Variants in WDR4 observed in about 807,000 individuals in gnomAD.
The protein encoded by WDR4 is tRNA (guanine-N(7)-)-methyltransferase non-catalytic subunit WDR4.
Under a neutral mutation model 48.6 loss-of-function variants are expected in WDR4, and 47 were observed. That is an observed-to-expected ratio of 0.97 (90% confidence interval 0.77 to 1.23). The LOEUF (loss-of-function observed/expected upper bound fraction) is 1.23. Ranked by LOEUF, WDR4 falls within the 50% of genes most tolerant of loss-of-function variation. The pLI is 0.00. For synonymous variants in WDR4, 268 were observed against 230.0 expected (o/e 1.17, Z -1.49); for missense variants, 606 against 551.6 (o/e 1.10, Z -0.99).
At chr21:42,882,170 C>T (rs1195963890), upstream of WDR4, among the ~76,000 whole-genome samples, 3 of 148,744 alleles carry the variant, frequency 2.0e-5, no homozygotes, top group East Asian at 2.1e-4. Context: ...GTTGGGATTA[C>T]AGGCGTGAGC....
intron 1 of WDR4, chr21:42,879,184 G>C (rs976310750): frequency 5.2e-5 from 69 of 1,337,136 alleles, no homozygotes; most frequent in Non-Finnish European, 6.5e-5. Context: ...GAGCGCGCCG[G>C]AGCCGGGGAG....
intron 3 of WDR4, among the ~76,000 whole-genome samples, chr21:42,866,759 A>G (rs1336661465): frequency 6.6e-6 from 1 of 151,804 alleles, no homozygotes; most frequent in Non-Finnish European, 1.5e-5. Context: ...CCAATTTCTC[A>G]CTGAGAGAAA....
chr21:42,867,601 C>T lies in WDR4; in HGVS notation c.297-4005G>A, dbSNP rs1316237538. ...ATCCCTAACCTAAAAATCCAAAATC[C>T]GAAACATTCCAGTGAGCATTTCCTT... is the stretch of plus-strand genomic sequence containing the variant. On this transcript the variant is annotated intron_variant, in intron 3 of 10. Transcript: ENST00000398208. Among the ~76,000 whole-genome samples, 6 of 152,214 alleles carry T rather than the reference C, an allele frequency of 3.9e-5. 1 individual carries two copies. The South Asian group carries it at 1.0e-3, about 26-fold the overall frequency.
chr21:42,854,353 C>T (rs527366257), intron 8 of WDR4, among the ~76,000 whole-genome samples: 9 of 152,354 alleles, frequency 5.9e-5, no homozygotes, highest in African/African-American at 1.7e-4. Flanking sequence ...GGGAGTTCAA[C>T]GTCAGGTTGA....
At chr21:42,855,874 C>G in intron 6 of WDR4, 94 bp from the exon 7 acceptor site, 1 of 937,388 alleles carries the variant, frequency 1.1e-6, no homozygotes, top group Non-Finnish European at 1.5e-6. Flanking sequence ...CGGGGTTCCA[C>G]TCCGTGACAG....
chr21:42,854,348 T>C (rs147487170), intron 8 of WDR4, among the ~76,000 whole-genome samples: 1 of 151,878 alleles, frequency 6.6e-6, no homozygotes, highest in East Asian at 1.9e-4. Context: ...GCCAGGGGAG[T>C]TCAACGTCAG....
At chr21:42,868,009 G>A (rs920759921) in intron 3 of WDR4, among the ~76,000 whole-genome samples, 1 of 152,164 alleles carries the variant, frequency 6.6e-6, no homozygotes, top group Non-Finnish European at 1.5e-5. Flanking sequence ...CCAGCCTGCA[G>A]CGGTATCTGC....
At position 42,872,683 on chromosome 21, in the gene WDR4, C is replaced by T. The variant is rs957820769; in HGVS notation, c.296+868G>A. Among the ~76,000 whole-genome samples, 11 of 151,808 alleles carry T rather than the reference C, an allele frequency of 7.2e-5. No individual in the cohort carries two copies. In the East Asian group the frequency reaches 2.1e-3, roughly 29 times the overall value. On this transcript the variant is annotated intron_variant, in intron 3 of 10. Coordinates refer to ENST00000398208, the MANE Select transcript of WDR4 (RefSeq NM_018669.6). ...GGTGTAGTGGCTCACACTTGTAATC[C>T]CAGCAGTTTGGGAGGCCGAGGCCAG...
intron 1 of WDR4, chr21:42,878,960 A>G (rs763339608): frequency 5.9e-5 from 59 of 992,536 alleles, no homozygotes; most frequent in Non-Finnish European, 6.9e-5. Flanking sequence ...GAGGTCAGTG[A>G]GCTCGCAGTG....
intron 3 of WDR4, among the ~76,000 whole-genome samples, chr21:42,866,434 A>C (rs2058248509): frequency 6.6e-6 from 1 of 152,170 alleles, no homozygotes; most frequent in African/African-American, 2.4e-5. Flanking sequence ...GCCTCAGTGA[A>C]ATGCAGAGAG....
chr21:42,873,673 G>A lies in WDR4; in HGVS notation c.174C>T (p.Asp58=). ...ACGCCAGAATCGCACCGCTCCCCTGGTCCAAGGGCGCGTCCTCCCTGAGGA... is the reference window on the plus strand; with the variant it reads ...ACGCCAGAATCGCACCGCTCCCCTGATCCAAGGGCGCGTCCTCCCTGAGGA... ...QENKGEDAPL[D]QGSGAILAST... Residue 58 remains aspartate, a synonymous_variant, in exon 3 of 11, where the codon GAC becomes GAT. Coordinates refer to ENST00000398208, the MANE Select transcript of WDR4 (RefSeq NM_018669.6). 6.2e-7 allele frequency: 1 copy of A among 1,614,026 alleles called. No individual in the cohort carries two copies.
intron 9 of WDR4, among the ~76,000 whole-genome samples, chr21:42,853,292 G>A (rs1043344534): frequency 2.0e-5 from 3 of 152,114 alleles, no homozygotes; most frequent in Admixed American, 2.0e-4. Flanking sequence ...CAACTTCATC[G>A]CTAAGTGTGG....
At chr21:42,888,608 G>GT in the WDR4 span, among the ~76,000 whole-genome samples, 18,547 of 146,218 alleles carry the variant, frequency 0.13, 1,317 homozygotes, top group South Asian at 0.2. Flanking sequence ...TTTCCTATTG[G>GT]TTTTTTTTTT....
At chr21:42,883,593 G>A (rs1460119557), upstream of WDR4, 1 of 153,688 alleles carries the variant, frequency 6.5e-6, no homozygotes, top group African/African-American at 2.4e-5. Flanking sequence ...CGAATGTTAT[G>A]TGTACTGAGA....
chr21:42,865,336 T>G (rs1054126193), intron 3 of WDR4, among the ~76,000 whole-genome samples: 1 of 152,186 alleles, frequency 6.6e-6, no homozygotes, highest in Non-Finnish European at 1.5e-5. Flanking sequence ...CAATGTCCGA[T>G]GGGCTCATTA....
the WDR4 span, among the ~76,000 whole-genome samples, chr21:42,888,445 G>C: frequency 6.6e-6 from 1 of 152,078 alleles, no homozygotes; most frequent in Non-Finnish European, 1.5e-5. Flanking sequence ...TGTAGTCCCA[G>C]CTACTTGAGA....
chr21:42,879,793 T>A (rs2058591763), upstream of WDR4: 1 of 429,102 alleles, frequency 2.3e-6, no homozygotes, highest in Non-Finnish European at 4.1e-6. Context: ...CTAGACGGGG[T>A]AGGGCTGGTT....
rs187462690 is a variant in WDR4 at position 42,867,882 on chromosome 21, T to G, written c.297-4286A>C. Among the ~76,000 whole-genome samples the G allele has an allele frequency of 3.2e-3, 481 of 152,072 alleles. 2 individuals are homozygous for G. The highest frequency in any genetic ancestry group is 0.01 in the African/African-American group (433 of 41,486). On this transcript the variant is annotated intron_variant, in intron 3 of 10. Coordinates refer to ENST00000398208, the MANE Select transcript of WDR4 (RefSeq NM_018669.6). ...GCCAGCCTCCCAGAGTTTTACCAGG[T>G]GCTTCCATAAAGAGAATCACACCAG...
intron 6 of WDR4, 82 bp downstream of exon 6, chr21:42,859,580 G>A: frequency 1.4e-6 from 2 of 1,382,780 alleles, no homozygotes; most frequent in Non-Finnish European, 2.0e-6. Flanking sequence ...GATCCACAGG[G>A]GCCAGGTCCA....
Sources: gnomAD v4.1 joint callset for allele counts (sites outside exome capture counted in the v4.1 genomes callset) on GRCh38, gnomAD v4.1.1 for gene constraint, MANE v1.5 for transcripts, NCBI Gene and HGNC (gene_info 2026-07-23, HGNC 2026-07-21) for gene names.